The following SSX2IP variants were observed in gnomAD, a reference collection of about 807,000 sequenced individuals.
SSX2IP encodes afadin- and alpha-actinin-binding protein.
Under a neutral mutation model 84.9 loss-of-function variants are expected in SSX2IP, and 55 were observed. The observed-to-expected ratio is 0.65, with a 90% CI of 0.52 to 0.81. SSX2IP has a LOEUF of 0.81. Ranked by LOEUF, SSX2IP falls within the 30% of genes least tolerant of loss-of-function variation. SSX2IP has a pLI of 0.00. For missense variants in SSX2IP, 664 were observed against 705.2 expected (o/e 0.94, Z 0.66); for synonymous variants, 239 against 234.7 (o/e 1.02, Z -0.17).
chr1:84,669,755 C>T lies in SSX2IP; in HGVS notation c.352G>A (p.Glu118Lys). Reference sequence around the variant, plus strand: ...TTCAAATTCTGTGTCTCCACATTTTCCTGAGCTAGAAGGTTCTTCCGCTGA... The same window carrying T: ...TTCAAATTCTGTGTCTCCACATTTTTCTGAGCTAGAAGGTTCTTCCGCTGA... The part of the protein sequence containing the change: ...VLQRKNLLAQ[E>K]NVETQNLKLG... The change falls in exon 4 of 14, where the codon GAA (glutamate) becomes AAA (lysine). Residue 118 changes from glutamate (E) to lysine (K), a missense_variant. Glu to Lys is a moderately conservative substitution (Grantham distance 56). Coordinates refer to ENST00000342203, the MANE Select transcript of SSX2IP (RefSeq NM_001166293.2). 6.2e-7 allele frequency: 1 copy of T among 1,613,804 alleles called. No homozygotes were observed. Among genetic ancestry groups the T allele is most frequent in the Non-Finnish European group, 8.5e-7 (1 of 1,179,802 alleles).
chr1:84,650,748 A>G (rs1400327036), intron 12 of SSX2IP, among the ~76,000 whole-genome samples: 1 of 151,600 alleles, frequency 6.6e-6, no homozygotes, highest in African/African-American at 2.4e-5. Context: ...TCTGTCACCC[A>G]GGCTGGAGTG....
chr1:84,673,624 A>T (rs1375383242), intron 1 of SSX2IP, among the ~76,000 whole-genome samples: 1 of 152,170 alleles, frequency 6.6e-6, no homozygotes, highest in African/African-American at 2.4e-5. Context: ...GGAGGCTACT[A>T]CAATAGTTCA....
At chr1:84,686,145 A>G (rs1655751956) in intron 1 of SSX2IP, among the ~76,000 whole-genome samples, 1 of 152,166 alleles carries the variant, frequency 6.6e-6, no homozygotes, top group African/African-American at 2.4e-5. Flanking sequence ...AGAACTACAC[A>G]TGAAGTAACT....
At chr1:84,667,027 A>G (rs976982149) in intron 4 of SSX2IP, among the ~76,000 whole-genome samples, 3 of 152,174 alleles carry the variant, frequency 2.0e-5, no homozygotes, top group Non-Finnish European at 4.4e-5. Context: ...TATAACCTGG[A>G]TAACTCTAAG....
intron 1 of SSX2IP, among the ~76,000 whole-genome samples, chr1:84,671,551 C>A (rs990201201): frequency 8.5e-5 from 13 of 152,138 alleles, no homozygotes; most frequent in Admixed American, 2.0e-4. Flanking sequence ...ATACAAGATA[C>A]ATGGTACACG....
At chr1:84,648,635 C>A (rs1466006914) in intron 13 of SSX2IP, among the ~76,000 whole-genome samples, 2 of 152,214 alleles carry the variant, frequency 1.3e-5, no homozygotes, top group South Asian at 2.1e-4. Context: ...ATTGAGACAA[C>A]TATGTTATGC....
intron 11 of SSX2IP, among the ~76,000 whole-genome samples, chr1:84,654,900 G>A (rs984344072): frequency 1.3e-5 from 2 of 152,062 alleles, no homozygotes; most frequent in African/African-American, 4.8e-5. Context: ...CAGCAAGAGA[G>A]GTAGAACAAG....
chr1:84,653,606 A>G (rs1477033087), intron 11 of SSX2IP, among the ~76,000 whole-genome samples: 1 of 152,242 alleles, frequency 6.6e-6, no homozygotes, highest in Non-Finnish European at 1.5e-5. Context: ...GGAAACAGGT[A>G]GGAGACAATG....
intron 1 of SSX2IP, among the ~76,000 whole-genome samples, chr1:84,678,940 G>A (rs561187532): frequency 2.0e-5 from 3 of 152,282 alleles, no homozygotes; most frequent in African/African-American, 7.2e-5. Flanking sequence ...TTCCATTATA[G>A]AGGGACATGG....
At chr1:84,671,653 G>C (rs1454850571) in intron 1 of SSX2IP, among the ~76,000 whole-genome samples, 2 of 152,192 alleles carry the variant, frequency 1.3e-5, no homozygotes, top group South Asian at 4.2e-4. Flanking sequence ...ATATAGATAA[G>C]ATGATGAAAA....
chr1:84,666,368 GTTTA>G (rs1652779621), intron 4 of SSX2IP, 136 bp from the exon 5 acceptor site: 5 of 637,134 alleles, frequency 7.8e-6, no homozygotes, highest in African/African-American at 1.9e-5. Context: ...CACATGAAAT[GTTTA>G]TTTAAAGGAA....
In SSX2IP at chr1:84,644,737, T is replaced by C. The variant is rs1649280826; in HGVS notation, c.*2696A>G. On this transcript the variant is annotated 3_prime_UTR_variant, in exon 14 of 14. Coordinates refer to ENST00000342203, the MANE Select transcript of SSX2IP (RefSeq NM_001166293.2). ...TCTTCATCATGCGCACAAAATGTGTTTTCCCATAACACCATATTATCACAA... is the reference window on the plus strand; with the variant it reads ...TCTTCATCATGCGCACAAAATGTGTCTTCCCATAACACCATATTATCACAA... The C allele has an allele frequency of 6.6e-6, 1 of 152,182 alleles. No homozygotes were observed. The highest frequency in any genetic ancestry group is 1.5e-5 in the Non-Finnish European group (1 of 68,022). The allele number at this position is 152,182 out of a possible 1,614,324, so 9.4% of individuals were successfully genotyped here. A position where few individuals can be genotyped will look rare whatever the true frequency, so the allele number is the denominator to read the frequency against.
intron 11 of SSX2IP, 98 bp downstream of exon 11, chr1:84,655,734 A>AT: frequency 3.4e-6 from 5 of 1,449,802 alleles, no homozygotes. Context: ...ATTTTAGAAA[A>AT]TAAGTAAATA....
rs759682709 is a variant in SSX2IP, at chr1:84,671,178, T to C, written c.42A>G (p.Ser14=). 5.6e-6 allele frequency: 9 copies of C among 1,610,742 alleles called. No homozygotes were observed. The highest frequency in any genetic ancestry group is 6.8e-6 in the Non-Finnish European group (8 of 1,178,364). Residue 14 remains serine (S), a splice_region_variant and synonymous_variant, in exon 2 of 14, where the codon TCA becomes TCG. Coordinates refer to ENST00000342203, the MANE Select transcript of SSX2IP (RefSeq NM_001166293.2). ...TTACAATTATTTAGACTTAATTACC[T>C]GAAGACAGACCTGGATCTGTAACAG... is the stretch of plus-strand genomic sequence containing the variant. ...WMTVTDPGLS[S]ESKTISQYTS...
Position 84,647,484 on chromosome 1 carries a change from T to A in SSX2IP, c.1794A>T (p.Gly598=). 1.2e-6 allele frequency: 2 copies of A among 1,612,636 alleles called. No homozygotes were observed. Among genetic ancestry groups the A allele is most frequent in the Non-Finnish European group, 1.7e-6 (2 of 1,179,158 alleles). Residue 598 remains glycine, a synonymous_variant, in exon 14 of 14, where the codon GGA becomes GGT. Transcript: ENST00000342203. ...RPGSQEGCYS[G]CSLSYTNSHV... ...GAGAATTTGTGTAGCTCAAGGAGCATCCACTATAGCAACCTTCCTGTGATC... is the reference window on the plus strand; with the variant it reads ...GAGAATTTGTGTAGCTCAAGGAGCAACCACTATAGCAACCTTCCTGTGATC...
intron 1 of SSX2IP, among the ~76,000 whole-genome samples, chr1:84,674,109 G>A (rs113210096): frequency 0.016 from 2,386 of 152,234 alleles, 67 homozygotes; most frequent in African/African-American, 0.047. Context: ...ATAGAACTCT[G>A]CTTTGGGTAA....
At chr1:84,665,502 T>G (rs992791266) in intron 5 of SSX2IP, among the ~76,000 whole-genome samples, 13 of 152,180 alleles carry the variant, frequency 8.5e-5, no homozygotes, top group Admixed American at 6.5e-4. Flanking sequence ...GGTCATACTT[T>G]AGAGCAATAA....
At chr1:84,683,689 A>C (rs1457424847) in intron 1 of SSX2IP, among the ~76,000 whole-genome samples, 1 of 152,184 alleles carries the variant, frequency 6.6e-6, no homozygotes, top group Non-Finnish European at 1.5e-5. Flanking sequence ...AAGTTCAAGG[A>C]TGTATTAGTG....
chr1:84,666,948 C>T (rs1046966478), intron 4 of SSX2IP, among the ~76,000 whole-genome samples: 6 of 152,034 alleles, frequency 3.9e-5, no homozygotes, highest in Non-Finnish European at 8.8e-5. Context: ...ATGTCTTAAC[C>T]GACCATAAAT....
Sources: allele counts gnomAD v4.1 joint callset (sites outside exome capture counted in the v4.1 genomes callset), GRCh38; gene constraint gnomAD v4.1.1; transcripts MANE v1.5; gene names NCBI Gene and HGNC (gene_info 2026-07-23, HGNC 2026-07-21).